Variants in OTUD3 observed in about 807,000 individuals in gnomAD.
OTUD3 encodes OTU deubiquitinase 3.
In OTUD3, 24 loss-of-function variants were observed where a neutral mutation model predicts 46.2. The ratio of observed to expected loss-of-function variants is 0.52; its 90% CI spans 0.38 to 0.73. OTUD3 has a LOEUF of 0.73. Among genes scored for constraint, OTUD3 ranks in the 30% least tolerant of loss-of-function variants. The pLI, the probability that OTUD3 is intolerant of heterozygous loss-of-function variation, is 0.00. For synonymous variants in OTUD3, 189 were observed against 195.4 expected (o/e 0.97, Z 0.27); for missense variants, 455 against 523.3 (o/e 0.87, Z 1.27).
At chr1:19,901,377 A>C (rs559287764) in intron 4 of OTUD3, among the ~76,000 whole-genome samples, 25 of 152,058 alleles carry the variant, frequency 1.6e-4, no homozygotes, top group African/African-American at 4.8e-4. Flanking sequence ...TATTCTTAGG[A>C]GGTGTTTTGT....
intron 4 of OTUD3, among the ~76,000 whole-genome samples, chr1:19,902,497 G>GC (rs770957120): frequency 2.6e-5 from 4 of 152,124 alleles, no homozygotes; most frequent in Non-Finnish European, 5.9e-5. Context: ...GAGCCACCAC[G>GC]CCCGGCCAGT....
At position 19,911,192 on chromosome 1, in the gene OTUD3, A is replaced by G. The variant is rs2045729295; in HGVS notation, c.*3446A>G. ...GTTTTGGGTAGATGCGTAGCTCTTC[A>G]CTTTCTTACCTCAAGGCTCTGTCTA... On this transcript the variant is annotated 3_prime_UTR_variant, in exon 8 of 8. Transcript: ENST00000375120. 6.6e-6 allele frequency: 1 copy of G among 152,142 alleles called. No individual in the cohort carries two copies. The highest frequency in any genetic ancestry group is 1.5e-5 in the Non-Finnish European group (1 of 68,016). The allele number at this position is 152,142 out of a possible 1,614,324, so 9.4% of individuals were successfully genotyped here.
intron 4 of OTUD3, among the ~76,000 whole-genome samples, chr1:19,903,233 G>T (rs1190911580): frequency 6.6e-6 from 1 of 151,248 alleles, no homozygotes; most frequent in African/African-American, 2.4e-5. Flanking sequence ...TATTTTTTTT[G>T]TAGAGACGGG....
At chr1:19,906,729 G>A in intron 7 of OTUD3, 113 bp downstream of exon 7, 2 of 1,022,580 alleles carry the variant, frequency 2.0e-6, no homozygotes, top group South Asian at 1.8e-5. Flanking sequence ...TAAAAGTAGT[G>A]TGGAAAATCT....
At chr1:19,885,390 G>A (rs1216365979) in intron 1 of OTUD3, among the ~76,000 whole-genome samples, 5 of 152,202 alleles carry the variant, frequency 3.3e-5, no homozygotes, top group African/African-American at 1.2e-4. Flanking sequence ...ATGTGGTGAT[G>A]ACAGACTTTA....
chr1:19,891,092 T>C (rs984756113), intron 2 of OTUD3, among the ~76,000 whole-genome samples: 9 of 152,242 alleles, frequency 5.9e-5, no homozygotes, highest in Non-Finnish European at 1.3e-4. Context: ...TTATCTTTTA[T>C]AGACTTTTTC....
intron 1 of OTUD3, among the ~76,000 whole-genome samples, chr1:19,882,979 G>T (rs2045294245): frequency 6.6e-6 from 1 of 152,268 alleles, no homozygotes; most frequent in Non-Finnish European, 1.5e-5. Context: ...GAAATAGAAA[G>T]TGGGTGCTGA....
chr1:19,897,579 A>T lies in OTUD3; in HGVS notation c.523A>T (p.Ile175Phe). ...GAAAAGCAGCGTGAGGGAGTTACAC[A>T]TCGCATATCGGTATGGAGAGCACTA... is the stretch of plus-strand genomic sequence containing the variant. Reference protein sequence around the residue: ...TEKSSVRELHIAYRYGEHYDS... With the variant: ...TEKSSVRELHFAYRYGEHYDS... Residue 175 changes from isoleucine to phenylalanine, a missense_variant, in exon 4 of 8, where the codon ATC becomes TTC. By Grantham distance (21) the Ile-to-Phe change is conservative (BLOSUM62 0). Transcript: ENST00000375120. The T allele has an allele frequency of 6.2e-7, 1 of 1,614,110 alleles. No homozygotes were observed. The highest frequency in any genetic ancestry group is 1.1e-5 in the South Asian group (1 of 91,082).
chr1:19,907,609 A>G lies in OTUD3; in HGVS notation c.1060A>G (p.Lys354Glu), dbSNP rs1161293648. The stretch of plus-strand genomic sequence containing the variant: ...GAGGCGAGAACAGCAGTGGATGGAG[A>G]AGAAGAAGCGGCAGGAGGAGAGGCA... ...KQRREQQWME[K>E]KKRQEERHRH... The change falls in exon 8 of 8, where the codon AAG becomes GAG. Residue 354 changes from lysine to glutamate, a missense_variant. Lys to Glu is a moderately conservative substitution (Grantham distance 56, BLOSUM62 1). Transcript: ENST00000375120. 6.2e-7 allele frequency: 1 copy of G among 1,613,688 alleles called. No homozygotes were observed. Among genetic ancestry groups the G allele is most frequent in the Non-Finnish European group, 8.5e-7 (1 of 1,179,660 alleles).
Position 19,906,556 on chromosome 1 carries a change from CAAT to C in OTUD3, c.963_965del (p.Asn321del). On this transcript the variant is annotated inframe_deletion, in exon 7 of 8. Coordinates refer to ENST00000375120, the MANE Select transcript of OTUD3 (RefSeq NM_015207.2). ...GCTTAAATGAAGGCAGGACCGAAAACAATAAGGCACAGGCCAGCCCTAGTGAAG... is the reference window on the plus strand; with the variant it reads ...GCTTAAATGAAGGCAGGACCGAAAACAAGGCACAGGCCAGCCCTAGTGAAG... 1 of 1,613,600 alleles carries C rather than the reference CAAT, an allele frequency of 6.2e-7. No homozygotes were observed. Among genetic ancestry groups the C allele is most frequent in the African/African-American group, 1.3e-5 (1 of 74,988 alleles).
At chr1:19,893,629 A>G (rs2045478989) in intron 2 of OTUD3, among the ~76,000 whole-genome samples, 1 of 152,220 alleles carries the variant, frequency 6.6e-6, no homozygotes, top group Admixed American at 6.5e-5. Context: ...GTCTGATGCC[A>G]GATGTGGTGG....
rs1255253981 is a variant in OTUD3, at chr1:19,882,462, TG to T, written c.-46del. 1.3e-5 allele frequency: 17 copies of T among 1,327,610 alleles called. No homozygotes were observed. The highest frequency in any genetic ancestry group is 3.9e-5 in the Admixed American group (1 of 25,718). The allele number at this position is 1,327,610 out of a possible 1,614,324, so 82.2% of individuals were successfully genotyped here. ...CCTTCCCAACGCTTGAGGCGGACGC[TG>T]GGGGGTCCTGCGCCTTTCCCTCCTG... On this transcript the variant is annotated 5_prime_UTR_variant, in exon 1 of 8. Transcript: ENST00000375120.
chr1:19,886,813 C>T (rs988615316), intron 1 of OTUD3, among the ~76,000 whole-genome samples: 2 of 152,304 alleles, frequency 1.3e-5, no homozygotes, highest in African/African-American at 2.4e-5. Flanking sequence ...TGGGCCCCAG[C>T]ATTTTCATTT....
intron 1 of OTUD3, among the ~76,000 whole-genome samples, chr1:19,887,952 A>G (rs1444869517): frequency 6.6e-6 from 1 of 152,220 alleles, no homozygotes; most frequent in Non-Finnish European, 1.5e-5. Flanking sequence ...GTCTAATAGT[A>G]AATTATTGCG....
At chr1:19,890,825 A>T (rs79413114) in intron 2 of OTUD3, among the ~76,000 whole-genome samples, 4,134 of 152,310 alleles carry the variant, frequency 0.027, 164 homozygotes, top group Admixed American at 0.091. Flanking sequence ...CATAGCTTGT[A>T]TAGGTTGATC....
At position 19,909,279 on chromosome 1, in the gene OTUD3, TTTTGAC is replaced by T. The variant is rs2045704261; in HGVS notation, c.*1538_*1543del. 1.3e-5 allele frequency: 2 copies of T among 152,400 alleles called. No individual in the cohort carries two copies. Among genetic ancestry groups the T allele is most frequent in the Non-Finnish European group, 2.9e-5 (2 of 68,074 alleles). 9.4% of individuals were successfully genotyped at this position (152,400 alleles called of 1,614,324 possible). On this transcript the variant is annotated 3_prime_UTR_variant, in exon 8 of 8. Coordinates refer to ENST00000375120, the MANE Select transcript of OTUD3 (RefSeq NM_015207.2). ...TTTCACTGGTATCTTTTGGTTTTGT[TTTTGAC>T]TTTGGTGGCTTTTTGTAGTTGGAGC...
At position 19,882,544 on chromosome 1, in the gene OTUD3, C is replaced by T; in HGVS notation, c.31C>T (p.Pro11Ser). The part of the protein sequence containing the change: MSRKQAAKSR[P>S]GSGSRKAEAE... The stretch of plus-strand genomic sequence containing the variant: ...CCGAAAGCAGGCGGCGAAGAGCCGG[C>T]CGGGCAGCGGCAGCCGGAAAGCCGA... The change falls in exon 1 of 8, where the codon CCG becomes TCG. Residue 11 changes from proline (P) to serine (S), a missense_variant. Transcript: ENST00000375120. 1.5e-6 allele frequency: 2 copies of T among 1,345,666 alleles called. No homozygotes were observed. The highest frequency in any genetic ancestry group is 9.5e-7 in the Non-Finnish European group (1 of 1,056,964). 83.4% of individuals were successfully genotyped at this position (1,345,666 alleles called of 1,614,324 possible). A position where few individuals can be genotyped will look rare whatever the true frequency, so the allele number is the denominator to read the frequency against.
intron 6 of OTUD3, among the ~76,000 whole-genome samples, chr1:19,905,628 C>G (rs1008875432): frequency 6.6e-6 from 1 of 152,072 alleles, no homozygotes; most frequent in Admixed American, 6.5e-5. Flanking sequence ...GTAATCCCAG[C>G]TACTCAGGAG....
chr1:19,898,584 CGGGTGTGGT>C (rs2045547153), intron 4 of OTUD3, among the ~76,000 whole-genome samples: 5 of 151,684 alleles, frequency 3.3e-5, no homozygotes, highest in Non-Finnish European at 7.4e-5. Context: ...CAAAATTAGC[CGGGTGTGGT>C]GGCGCATGCC....
Sources: gnomAD v4.1 joint callset for allele counts (sites outside exome capture counted in the v4.1 genomes callset) on GRCh38, gnomAD v4.1.1 for gene constraint, MANE v1.5 for transcripts, NCBI Gene and HGNC (gene_info 2026-07-23, HGNC 2026-07-21) for gene names.